Variants in COMMD9 observed in about 807,000 individuals in gnomAD.
COMMD9 encodes the protein COMM domain containing 9, also known as COMM domain-containing protein 9.
Under a neutral mutation model 23.4 loss-of-function variants are expected in COMMD9, and 22 were observed. That is an observed-to-expected ratio of 0.94 (90% confidence interval 0.67 to 1.34). The LOEUF (loss-of-function observed/expected upper bound fraction) is 1.34, where lower values mean the gene tolerates loss of function less well. Among genes scored for constraint, COMMD9 ranks in the 40% most tolerant of loss-of-function variants. COMMD9 has a pLI of 0.00. For missense variants in COMMD9, 231 were observed against 240.2 expected, an observed-to-expected ratio of 0.96 and a Z score of 0.25; for synonymous variants, 99 against 97.4, an observed-to-expected ratio of 1.02 and a Z score of -0.10.
intron 5 of COMMD9, 48 bp from the exon 6 acceptor site, chr11:36,274,820 T>C (rs1315036107): frequency 3.7e-6 from 6 of 1,609,358 alleles, no homozygotes; most frequent in Non-Finnish European, 5.1e-6. Flanking sequence ...TCTTTTCCCA[T>C]ATCCCTGTAA....
intron 5 of COMMD9, among the ~76,000 whole-genome samples, chr11:36,275,183 AAAG>A (rs779990233): frequency 1.4e-4 from 22 of 152,374 alleles, no homozygotes; most frequent in Non-Finnish European, 2.8e-4. Flanking sequence ...TTTAAAAAAT[AAAG>A]AAGTTAAGCT....
Position 36,272,700 on chromosome 11 carries a change from T to G in COMMD9, c.*1932A>C, listed in dbSNP as rs1368760628. The G allele has an allele frequency of 6.6e-6, 1 of 152,234 alleles. No homozygotes were observed. The highest frequency in any genetic ancestry group is 1.5e-5 in the Non-Finnish European group (1 of 68,046). 9.4% of individuals were successfully genotyped at this position (152,234 alleles called of 1,614,324 possible). A position where few individuals can be genotyped will look rare whatever the true frequency, so the allele number is the denominator to read the frequency against. On this transcript the variant is annotated 3_prime_UTR_variant, in exon 6 of 6. Transcript: ENST00000263401. ...GCTTGGAATTTTTTTTCCCTTGACC[T>G]TCCTCGTATCTCACTGGGTAGGCAG...
At position 36,274,756 on chromosome 11, in the gene COMMD9, C is replaced by T. The variant is rs1478840718; in HGVS notation, c.473G>A (p.Ser158Asn). 10 of 1,614,140 alleles carry T rather than the reference C, an allele frequency of 6.2e-6. No homozygotes were observed. In the East Asian group the frequency reaches 1.6e-4, roughly 25 times the overall value. The part of the protein sequence containing the change: ...LLQMKIQEDP[S>N]LCGDKPSISA... ...GATGGAGGGTTTGTCTCCGCATAGGCTGGGATCTTCTTGGATCTGAAACGA... is the reference window on the plus strand; with the variant it reads ...GATGGAGGGTTTGTCTCCGCATAGGTTGGGATCTTCTTGGATCTGAAACGA... The change falls in exon 6 of 6, where the codon AGC becomes AAC. Residue 158 changes from serine to asparagine, a missense_variant. Ser to Asn is a conservative substitution (Grantham distance 46, BLOSUM62 1). Coordinates refer to ENST00000263401, the MANE Select transcript of COMMD9 (RefSeq NM_014186.4).
Position 36,276,202 on chromosome 11 carries a change from C to T in COMMD9, c.391G>A (p.Asp131Asn). 1 of 1,614,080 alleles carries T rather than the reference C, an allele frequency of 6.2e-7. No individual in the cohort carries two copies. The highest frequency in any genetic ancestry group is 8.5e-7 in the Non-Finnish European group (1 of 1,179,988). ...ATGCTGTCTGAGGAGGTTTTGATATCCACTCTCCAGTCCAGATCGACCAGG... is the reference window on the plus strand; with the variant it reads ...ATGCTGTCTGAGGAGGTTTTGATATTCACTCTCCAGTCCAGATCGACCAGG... ...PRLVDLDWRV[D>N]IKTSSDSISR... Residue 131 changes from aspartate to asparagine, a missense_variant, in exon 5 of 6, where the codon GAT (aspartate) becomes AAT (asparagine). Coordinates refer to ENST00000263401, the MANE Select transcript of COMMD9 (RefSeq NM_014186.4).
chr11:36,280,291 A>G (rs890784693), intron 2 of COMMD9, among the ~76,000 whole-genome samples: 4 of 152,160 alleles, frequency 2.6e-5, no homozygotes, highest in Non-Finnish European at 5.9e-5. Context: ...CTTCTGTGGG[A>G]CAGAGGGGTG....
intron 1 of COMMD9, among the ~76,000 whole-genome samples, chr11:36,281,639 G>C (rs1856068704): frequency 6.6e-6 from 1 of 152,180 alleles, no homozygotes. Flanking sequence ...TGATAGTAAT[G>C]AGGTGGCACC....
intron 1 of COMMD9, among the ~76,000 whole-genome samples, chr11:36,286,589 ACT>A (rs1245467574): frequency 6.6e-6 from 1 of 151,826 alleles, no homozygotes; most frequent in Non-Finnish European, 1.5e-5. Flanking sequence ...ACAGAGCGAG[ACT>A]CTCTCAAAAC....
At chr11:36,288,553 A>G (rs1021157698) in intron 1 of COMMD9, among the ~76,000 whole-genome samples, 1 of 152,194 alleles carries the variant, frequency 6.6e-6, no homozygotes, top group Non-Finnish European at 1.5e-5. Flanking sequence ...CTGTAATCCC[A>G]ACACTTTGGA....
intron 1 of COMMD9, among the ~76,000 whole-genome samples, chr11:36,284,603 C>T (rs1379348159): frequency 6.6e-6 from 1 of 152,200 alleles, no homozygotes; most frequent in Non-Finnish European, 1.5e-5. Flanking sequence ...AACACATACC[C>T]AGACATATCA....
intron 2 of COMMD9, among the ~76,000 whole-genome samples, chr11:36,280,175 C>T (rs2133428240): frequency 6.6e-6 from 1 of 152,284 alleles, no homozygotes; most frequent in South Asian, 2.1e-4. Context: ...AACATATTTG[C>T]CTTGGAAAGA....
chr11:36,274,550 TG>T lies in COMMD9; in HGVS notation c.*81del. ...CATCCTGCCTGTTGTCAGCTGCAGC[TG>T]CAAGGGCAGCCTGCATATGGGGAGA... is the stretch of plus-strand genomic sequence containing the variant. On this transcript the variant is annotated 3_prime_UTR_variant, in exon 6 of 6. Coordinates refer to ENST00000263401, the MANE Select transcript of COMMD9 (RefSeq NM_014186.4). The T allele has an allele frequency of 6.4e-7, 1 of 1,553,886 alleles. No homozygotes were observed.
intron 1 of COMMD9, among the ~76,000 whole-genome samples, chr11:36,282,462 A>G (rs12286643): frequency 0.071 from 10,782 of 152,210 alleles, 434 homozygotes; most frequent in South Asian, 0.1. Context: ...TTTCATATCA[A>G]AAACCATGGA....
chr11:36,273,132 G>C lies in COMMD9; in HGVS notation c.*1500C>G, dbSNP rs530422088. Reference sequence around the variant, plus strand: ...AATTTAGGAAAAAAGTACAAAGTGGGTGAAAATTGAGATGTAGAAGTCAAG... The same window carrying C: ...AATTTAGGAAAAAAGTACAAAGTGGCTGAAAATTGAGATGTAGAAGTCAAG... On this transcript the variant is annotated 3_prime_UTR_variant, in exon 6 of 6. Coordinates refer to ENST00000263401, the MANE Select transcript of COMMD9 (RefSeq NM_014186.4). The C allele has an allele frequency of 2.0e-5, 3 of 152,278 alleles. 1 individual carries two copies. The highest frequency in any genetic ancestry group is 7.2e-5 in the African/African-American group (3 of 41,566). 9.4% of individuals were successfully genotyped at this position (152,278 alleles called of 1,614,324 possible). A position where few individuals can be genotyped will look rare whatever the true frequency, so the allele number is the denominator to read the frequency against.
intron 1 of COMMD9, among the ~76,000 whole-genome samples, chr11:36,281,379 G>T (rs1348244640): frequency 6.6e-6 from 1 of 152,198 alleles, no homozygotes; most frequent in African/African-American, 2.4e-5. Flanking sequence ...GGGAGGCCTA[G>T]ACCTGAGTAA....
At chr11:36,277,209 G>A (rs1855988652) in intron 3 of COMMD9, 86 bp from the exon 4 acceptor site, 9 of 927,490 alleles carry the variant, frequency 9.7e-6, no homozygotes, top group Middle Eastern at 2.3e-4. Flanking sequence ...GGCCCTTCCT[G>A]TGATCTTCAG....
chr11:36,289,041 G>A (rs1043006313), intron 1 of COMMD9, among the ~76,000 whole-genome samples: 7 of 152,062 alleles, frequency 4.6e-5, no homozygotes, highest in African/African-American at 1.5e-4. Context: ...GATGAAATGG[G>A]GAACTGACAA....
chr11:36,289,424 C>A lies in COMMD9; in HGVS notation c.-12G>T. 6.4e-7 allele frequency: 1 copy of A among 1,551,754 alleles called. No individual in the cohort carries two copies. The highest frequency in any genetic ancestry group is 1.2e-5 in the South Asian group (1 of 84,030). On this transcript the variant is annotated 5_prime_UTR_variant, in exon 1 of 6. Transcript: ENST00000263401. ...GTCAGGGCAGCCATCTTGCCGAAGT[C>A]ACATGACCGTGGCACCCAGGGAAGC...
Position 36,274,630 on chromosome 11 carries a change from G to C in COMMD9, c.*2C>G, listed in dbSNP as rs1157169761. 6.2e-7 allele frequency: 1 copy of C among 1,614,214 alleles called. No homozygotes were observed. Among genetic ancestry groups the C allele is most frequent in the Admixed American group, 1.7e-5 (1 of 60,028 alleles). On this transcript the variant is annotated 3_prime_UTR_variant, in exon 6 of 6. Transcript: ENST00000263401. ...TGGCAGTGGCCCTGGCAGCTGGCTGGATCATTTACTGGCCACGGCAGAGAG... is the reference window on the plus strand; with the variant it reads ...TGGCAGTGGCCCTGGCAGCTGGCTGCATCATTTACTGGCCACGGCAGAGAG...
Position 36,274,303 on chromosome 11 carries a change from G to T in COMMD9, c.*329C>A, listed in dbSNP as rs1442537466. On this transcript the variant is annotated 3_prime_UTR_variant, in exon 6 of 6. Coordinates refer to ENST00000263401, the MANE Select transcript of COMMD9 (RefSeq NM_014186.4). Reference sequence around the variant, plus strand: ...TGGATAGGCTGCATGATTTGGGCCTGAATTTCTCAAACAGCTATGCAGAGG... The same window carrying T: ...TGGATAGGCTGCATGATTTGGGCCTTAATTTCTCAAACAGCTATGCAGAGG... 1.4e-5 allele frequency: 8 copies of T among 551,882 alleles called. No individual in the cohort carries two copies. Among genetic ancestry groups the T allele is most frequent in the Non-Finnish European group, 2.4e-5 (7 of 289,730 alleles). 34.2% of individuals were successfully genotyped at this position (551,882 alleles called of 1,614,324 possible). A position where few individuals can be genotyped will look rare whatever the true frequency, so the allele number is the denominator to read the frequency against.
Sources: gnomAD v4.1 joint callset for allele counts (sites outside exome capture counted in the v4.1 genomes callset) on GRCh38, gnomAD v4.1.1 for gene constraint, MANE v1.5 for transcripts, NCBI Gene and HGNC (gene_info 2026-07-23, HGNC 2026-07-21) for gene names.